Variants in PLXNB1 observed in about 807,000 individuals in gnomAD.
The protein encoded by PLXNB1 is plexin-B1.
A neutral mutation model predicts 209.4 loss-of-function variants in PLXNB1; 106 were observed. The ratio of observed to expected loss-of-function variants is 0.51; its 90% CI spans 0.43 to 0.59. The LOEUF (loss-of-function observed/expected upper bound fraction) is 0.59, where lower values mean the gene tolerates loss of function less well. Ranked by LOEUF, PLXNB1 falls within the 20% of genes least tolerant of loss-of-function variation. The pLI is 0.00. For missense variants in PLXNB1, 2,357 were observed against 2,853.2 expected (o/e 0.83, Z 3.96); for synonymous variants, 1,167 against 1,183.2 (o/e 0.99, Z 0.28).
At position 48,415,301 on chromosome 3, in the gene PLXNB1, G is replaced by A. The variant is rs773331063; in HGVS notation, c.3841C>T (p.Gln1281Ter). The A allele has an allele frequency of 3.1e-6, 5 of 1,613,608 alleles. No individual in the cohort carries two copies. Among genetic ancestry groups the A allele is most frequent in the Non-Finnish European group, 4.2e-6 (5 of 1,180,004 alleles). Residue 1281 changes from glutamine to a stop codon, truncating the protein, a stop_gained, in exon 20 of 38, where the codon CAG becomes TAG. Transcript: ENST00000296440. LOFTEE classifies it high-confidence loss of function. The surrounding 1 kb of genome is among the most constrained non-coding windows in gnomAD (Gnocchi z 5.0). ...ACGGTCACCCGGATTCTTGGCGTCT[G>A]TACCACGTCCAGATTCTGGCCACGG... ...CVRGQNLDVV[Q>*]TPRIRVTVVS...
At chr3:48,407,162 G>T in intron 34 of PLXNB1, 71 bp from the exon 35 acceptor site, 1 of 1,399,502 alleles carries the variant, frequency 7.1e-7, no homozygotes, top group Non-Finnish European at 1.0e-6. Flanking sequence ...GTGATCAAGT[G>T]TCCTGGGTTT....
At chr3:48,424,870 G>C (rs2038800559) in intron 2 of PLXNB1, among the ~76,000 whole-genome samples, 1 of 152,174 alleles carries the variant, frequency 6.6e-6, no homozygotes, top group Non-Finnish European at 1.5e-5. Context: ...ATTCTCTCAG[G>C]AGACCTGCAC....
In PLXNB1 at chr3:48,420,040, C is replaced by T; in HGVS notation, c.2246G>A (p.Gly749Asp). The change falls in exon 11 of 38, where the codon GGC (glycine) becomes GAC (aspartate). Residue 749 changes from glycine (G) to aspartate (D), a missense_variant. This residue lies in a region of PLXNB1 where 410 missense variants were observed against 401.0 expected (regional missense o/e 1.02). Coordinates refer to ENST00000296440, the MANE Select transcript of PLXNB1 (RefSeq NM_001130082.3). Reference protein sequence around the residue: ...WAGSGSISSPGSTGSPLHEEP... With the variant: ...WAGSGSISSPDSTGSPLHEEP... ...CTCATGGAGAGGCGACCCTGTGGAG[C>T]CAGGGGAAGATATGGAGCCAGAACC... The T allele has an allele frequency of 6.2e-7, 1 of 1,611,194 alleles. No individual in the cohort carries two copies. The highest frequency in any genetic ancestry group is 1.1e-5 in the South Asian group (1 of 90,878).
chr3:48,429,913 C>G lies in PLXNB1; in HGVS notation c.-60+95G>C, dbSNP rs1575419223. The stretch of plus-strand genomic sequence containing the variant: ...ACCCGAGTCCCTCACCAGCCCGACC[C>G]GTTCTTCTGCCAGCGCCCGGCCTCG... On this transcript the variant is annotated intron_variant, in intron 1 of 37. Coordinates refer to ENST00000296440, the MANE Select transcript of PLXNB1 (RefSeq NM_001130082.3). This position sits in a 1 kb window ranked among gnomAD's most constrained non-coding sequence, Gnocchi z 6.4. The G allele has an allele frequency of 6.5e-6, 1 of 152,674 alleles. No homozygotes were observed. The highest frequency in any genetic ancestry group is 1.9e-4 in the East Asian group (1 of 5,180). 9.5% of individuals were successfully genotyped at this position (152,674 alleles called of 1,614,324 possible).
Position 48,410,592 on chromosome 3 carries a change from G to A in PLXNB1, c.5417-34C>T. On this transcript the variant is annotated intron_variant, in intron 29 of 37. Transcript: ENST00000296440. The surrounding 1 kb of genome is among the most constrained non-coding windows in gnomAD (Gnocchi z 6.4). ...GCAAGGCAGAACTGGGTGCAGGGCT[G>A]GAAGATACCCTTCCCATAGTGGAGC... 1 of 1,551,270 alleles carries A rather than the reference G, an allele frequency of 6.4e-7. No individual in the cohort carries two copies. The highest frequency in any genetic ancestry group is 8.9e-7 in the Non-Finnish European group (1 of 1,124,398).
chr3:48,416,262 A>G lies in PLXNB1; in HGVS notation c.3480+84T>C, dbSNP rs1283459139. The G allele has an allele frequency of 1.3e-5, 20 of 1,554,102 alleles. No individual in the cohort carries two copies. In the East Asian group the frequency reaches 4.1e-4, roughly 32 times the overall value. ...AGGCTGGCCCAGGACTGGGAGCCCC[A>G]CCAAGGAATAACCAGATGGGTTGAG... On this transcript the variant is annotated intron_variant, in intron 17 of 37. Coordinates refer to ENST00000296440, the MANE Select transcript of PLXNB1 (RefSeq NM_001130082.3). This position sits in a 1 kb window ranked among gnomAD's most constrained non-coding sequence, Gnocchi z 4.1.
chr3:48,409,703 A>C lies in PLXNB1; in HGVS notation c.5807T>G (p.Leu1936Arg). 6.2e-7 allele frequency: 1 copy of C among 1,613,798 alleles called. No homozygotes were observed. The highest frequency in any genetic ancestry group is 8.5e-7 in the Non-Finnish European group (1 of 1,179,976). ...KGTLQKFVDD[L>R]FQVILSTSRP... is the part of the protein sequence containing the mutation. ...GCTGGTGCTGAGAATCACCTGGAACAGGTCATCCACGAACTTCTGCAGGGT... is the reference window on the plus strand; with the variant it reads ...GCTGGTGCTGAGAATCACCTGGAACCGGTCATCCACGAACTTCTGCAGGGT... The change falls in exon 33 of 38, where the codon CTG becomes CGG. Residue 1936 changes from leucine to arginine, a missense_variant. By Grantham distance (102) the Leu-to-Arg change is moderately radical. Transcript: ENST00000296440. The surrounding 1 kb of genome is among the most constrained non-coding windows in gnomAD (Gnocchi z 5.8).
Position 48,406,861 on chromosome 3 carries a change from C to G in PLXNB1, c.6190G>C (p.Asp2064His). The change falls in exon 36 of 38, where the codon GAC becomes CAC. Residue 2064 changes from aspartate (D) to histidine (H), a missense_variant. Asp to His is a moderately conservative substitution (Grantham distance 81, BLOSUM62 -1). Around this residue, in one of 7 missense-constraint regions of PLXNB1, gnomAD observed 414 missense variants for 520.5 expected, o/e 0.80. Coordinates refer to ENST00000296440, the MANE Select transcript of PLXNB1 (RefSeq NM_001130082.3). The surrounding 1 kb of genome is among the most constrained non-coding windows in gnomAD (Gnocchi z 4.4). ...ADIRQTVPAS[D>H]QEMNSVLAEL... ...GCCAGGACAGAGTTCATCTCTTGGT[C>G]GCTGGCTGGGACAGTCTGTCTGATG... is the stretch of plus-strand genomic sequence containing the variant. 5 of 1,612,698 alleles carry G rather than the reference C, an allele frequency of 3.1e-6. No individual in the cohort carries two copies. The highest frequency in any genetic ancestry group is 4.2e-6 in the Non-Finnish European group (5 of 1,179,384).
intron 1 of PLXNB1, among the ~76,000 whole-genome samples, chr3:48,426,303 C>A (rs1261726545): frequency 1.3e-5 from 2 of 152,204 alleles, no homozygotes; most frequent in African/African-American, 4.8e-5. Flanking sequence ...AGTCCCTGAA[C>A]CAAGAAACTA....
rs141892969 is a variant in PLXNB1, at chr3:48,413,089, C to A, written c.4616G>T (p.Arg1539Leu). The A allele has an allele frequency of 4.3e-6, 7 of 1,613,528 alleles. No homozygotes were observed. The highest frequency in any genetic ancestry group is 5.9e-6 in the Non-Finnish European group (7 of 1,179,594). The stretch of plus-strand genomic sequence containing the variant: ...CACACCTGTGAATTCCTTCTTGCAG[C>A]GGTCCCGCACACTGCTCTCCAGATT... ...LENLESSVRD[R>L]CKKEFTDLMT... Residue 1539 changes from arginine to leucine, a missense_variant, in exon 24 of 38, where the codon CGC becomes CTC. By Grantham distance (102) the Arg-to-Leu change is moderately radical. This residue lies in a region of PLXNB1 where 743 missense variants were observed against 896.2 expected (regional missense o/e 0.83). Coordinates refer to ENST00000296440, the MANE Select transcript of PLXNB1 (RefSeq NM_001130082.3). The surrounding 1 kb of genome is among the most constrained non-coding windows in gnomAD (Gnocchi z 5.4).
chr3:48,404,246 G>C lies in PLXNB1; in HGVS notation c.*240C>G. ...TTAGTCCCCAACTCCCTGCAGACCG[G>C]TGTCACAGGGTCGCTGGACTCGGGG... On this transcript the variant is annotated 3_prime_UTR_variant, in exon 38 of 38. Transcript: ENST00000296440. 1.9e-6 allele frequency: 1 copy of C among 521,936 alleles called. No individual in the cohort carries two copies. Among genetic ancestry groups the C allele is most frequent in the Non-Finnish European group, 3.4e-6 (1 of 294,546 alleles). The allele number at this position is 521,936 out of a possible 1,614,324, so 32.3% of individuals were successfully genotyped here. A position where few individuals can be genotyped will look rare whatever the true frequency, so the allele number is the denominator to read the frequency against.
In PLXNB1 at chr3:48,415,989, T is replaced by C; in HGVS notation, c.3617+42A>G. Reference sequence around the variant, plus strand: ...ATCTCAGACCCCTCCATCTTTCCCCTGGAGCAGATGGATTTTTGCAGGATG... The same window carrying C: ...ATCTCAGACCCCTCCATCTTTCCCCCGGAGCAGATGGATTTTTGCAGGATG... On this transcript the variant is annotated intron_variant, in intron 18 of 37. Coordinates refer to ENST00000296440, the MANE Select transcript of PLXNB1 (RefSeq NM_001130082.3). This position sits in a 1 kb window ranked among gnomAD's most constrained non-coding sequence, Gnocchi z 5.0. 6 of 1,579,882 alleles carry C rather than the reference T, an allele frequency of 3.8e-6. No individual in the cohort carries two copies. Among genetic ancestry groups the C allele is most frequent in the Non-Finnish European group, 5.2e-6 (6 of 1,160,174 alleles).
intron 6 of PLXNB1, 66 bp downstream of exon 6, chr3:48,422,039 A>T: frequency 6.9e-7 from 1 of 1,451,986 alleles, no homozygotes; most frequent in Non-Finnish European, 9.7e-7. Context: ...GGAATTCTGG[A>T]CAGGACAATT....
At chr3:48,414,496 G>A (rs546819076) in intron 21 of PLXNB1, among the ~76,000 whole-genome samples, 13 of 152,294 alleles carry the variant, frequency 8.5e-5, no homozygotes, top group African/African-American at 1.7e-4. Flanking sequence ...GGGTCAGCCC[G>A]ATGGCCTATG....
In PLXNB1 at chr3:48,424,215, G is replaced by T. The variant is rs764571551; in HGVS notation, c.397C>A (p.Arg133=). ...RLGQLEQLLL[R]PERPGDTQYV... is the part of the protein sequence containing the mutation. ...TGTGTGTCCCCAGGCCGCTCTGGCC[G>T]CAGCAGCAGCTGCTCGAGCTGCCCC... Residue 133 remains arginine, a synonymous_variant, in exon 3 of 38, where the codon CGG becomes AGG. Coordinates refer to ENST00000296440, the MANE Select transcript of PLXNB1 (RefSeq NM_001130082.3). 1 of 1,599,612 alleles carries T rather than the reference G, an allele frequency of 6.3e-7. No homozygotes were observed. Among genetic ancestry groups the T allele is most frequent in the Non-Finnish European group, 8.5e-7 (1 of 1,171,850 alleles).
chr3:48,420,635 C>G lies in PLXNB1; in HGVS notation c.2028+30G>C, dbSNP rs761796262. 3.2e-6 allele frequency: 5 copies of G among 1,571,492 alleles called. No individual in the cohort carries two copies. The Admixed American group carries it at 6.7e-5, about 21-fold the overall frequency. ...CTCACACTGGGACCCCCAACCCCCC[C>G]GGTATGGCCCAGCCCAAAGTCACAC... On this transcript the variant is annotated intron_variant, in intron 10 of 37. Transcript: ENST00000296440.
In PLXNB1 at chr3:48,420,648, C is replaced by T. The variant is rs1358803283; in HGVS notation, c.2028+17G>A. On this transcript the variant is annotated intron_variant, in intron 10 of 37. Transcript: ENST00000296440. Reference sequence around the variant, plus strand: ...CCCCAACCCCCCCGGTATGGCCCAGCCCAAAGTCACACTCACCTGATGGCT... The same window carrying T: ...CCCCAACCCCCCCGGTATGGCCCAGTCCAAAGTCACACTCACCTGATGGCT... 3.1e-6 allele frequency: 5 copies of T among 1,605,782 alleles called. No homozygotes were observed. Among genetic ancestry groups the T allele is most frequent in the Non-Finnish European group, 4.3e-6 (5 of 1,173,138 alleles).
rs762554170 is a variant in PLXNB1 at position 48,422,784 on chromosome 3, C to T, written c.1271G>A (p.Ser424Asn). The change falls in exon 4 of 38, where the codon AGT becomes AAT. Residue 424 changes from serine to asparagine, a missense_variant. Physicochemically the swap from Ser to Asn is conservative, Grantham distance 46 (BLOSUM62 1). This residue lies in a region of PLXNB1 where 404 missense variants were observed against 443.6 expected (regional missense o/e 0.91). Coordinates refer to ENST00000296440, the MANE Select transcript of PLXNB1 (RefSeq NM_001130082.3). ...DGHTIAFLGD[S>N]QGQLHRVYLG... ...GCTCACCCTGTGCAGCTGCCCTTGA[C>T]TATCACCCAGGAAAGCGATGGTGTG... 1 of 1,614,002 alleles carries T rather than the reference C, an allele frequency of 6.2e-7. No individual in the cohort carries two copies. Among genetic ancestry groups the T allele is most frequent in the South Asian group, 1.1e-5 (1 of 91,064 alleles).
Position 48,412,698 on chromosome 3 carries a change from G to A in PLXNB1, c.4854+44C>T, listed in dbSNP as rs769905510. The A allele has an allele frequency of 2.2e-5, 35 of 1,603,020 alleles. No homozygotes were observed. The East Asian group carries it at 2.5e-4, about 11-fold the overall frequency. The stretch of plus-strand genomic sequence containing the variant: ...GGCTCAGAAACCATGCCCTGGAGAA[G>A]GGGCAGGGCCAGGGGCAGGCCAGGA... On this transcript the variant is annotated intron_variant, in intron 25 of 37. Transcript: ENST00000296440.
Sources: gnomAD v4.1 joint callset for allele counts (sites outside exome capture counted in the v4.1 genomes callset) on GRCh38, gnomAD v4.1.1 for gene constraint, gnomAD v4.1.1 regional missense constraint, Gnocchi (gnomAD v3.1) non-coding constraint, MANE v1.5 for transcripts, NCBI Gene and HGNC (gene_info 2026-07-23, HGNC 2026-07-21) for gene names.